The following TENM2 variants were observed in gnomAD, a reference collection of about 807,000 sequenced individuals.
TENM2 encodes teneurin-2.
In TENM2, 52 loss-of-function variants were observed where a neutral mutation model predicts 245.2. That is an observed-to-expected ratio of 0.21 (90% CI 0.17 to 0.27). The LOEUF (loss-of-function observed/expected upper bound fraction) is 0.27. TENM2 is among the 10% of genes least tolerant of loss of function. The pLI, the probability that TENM2 is intolerant of heterozygous loss-of-function variation, is 1.00. For synonymous variants in TENM2, 1,363 were observed against 1,438.9 expected, an observed-to-expected ratio of 0.95 and a Z score of 1.19; for missense variants, 3,046 against 3,666.8, an observed-to-expected ratio of 0.83 and a Z score of 4.37.
At chr5:168,255,990 C>T (rs1767616303) in intron 27 of TENM2, among the ~76,000 whole-genome samples, 1 of 151,284 alleles carries the variant, frequency 6.6e-6, no homozygotes, top group Non-Finnish European at 1.5e-5. Context: ...ATTTTTAGTA[C>T]AGACACGGTT....
At chr5:168,050,056 G>GC (rs1157584969) in intron 6 of TENM2, among the ~76,000 whole-genome samples, 1 of 152,032 alleles carries the variant, frequency 6.6e-6, no homozygotes, top group Non-Finnish European at 1.5e-5. Flanking sequence ...TCCCATCTCG[G>GC]CCCCCCAAAG....
chr5:168,174,101 T>A (rs1307733504), intron 13 of TENM2, among the ~76,000 whole-genome samples: 1 of 152,160 alleles, frequency 6.6e-6, no homozygotes, highest in Non-Finnish European at 1.5e-5. Flanking sequence ...CAACATAGCA[T>A]CTCAGTCTTC....
the TENM2 span, among the ~76,000 whole-genome samples, chr5:167,250,664 C>T: frequency 3.3e-5 from 5 of 152,078 alleles, no homozygotes; most frequent in Non-Finnish European, 1.5e-5. Context: ...CATTCCATCC[C>T]ATTTGTTTCT....
the TENM2 span, among the ~76,000 whole-genome samples, chr5:167,106,477 G>T: frequency 6.6e-6 from 1 of 152,232 alleles, no homozygotes; most frequent in Non-Finnish European, 1.5e-5. Context: ...GAAGAACTTA[G>T]CTGATTGGGA....
chr5:167,927,833 C>T (rs1561943563), intron 3 of TENM2, among the ~76,000 whole-genome samples: 1 of 152,152 alleles, frequency 6.6e-6, no homozygotes. Flanking sequence ...CCATTTCTGG[C>T]CCGGGTCCTG....
At chr5:167,087,556 G>A in the TENM2 span, among the ~76,000 whole-genome samples, 1 of 152,136 alleles carries the variant, frequency 6.6e-6, no homozygotes, top group Admixed American at 6.6e-5. Flanking sequence ...GACTTGTTCA[G>A]TGCTATATTT....
At chr5:167,365,181 T>G (rs1759967732) in intron 1 of TENM2, among the ~76,000 whole-genome samples, 2 of 152,042 alleles carry the variant, frequency 1.3e-5, no homozygotes, top group South Asian at 4.1e-4. Context: ...AATTACACAC[T>G]TCTAAGTAAC....
At chr5:167,525,938 T>C (rs1335786136) in intron 2 of TENM2, among the ~76,000 whole-genome samples, 1 of 152,062 alleles carries the variant, frequency 6.6e-6, no homozygotes, top group Non-Finnish European at 1.5e-5. Context: ...ATCATTATTA[T>C]ATACTTTAAG....
At chr5:168,021,900 C>T (rs1207864937) in intron 5 of TENM2, among the ~76,000 whole-genome samples, 1 of 151,890 alleles carries the variant, frequency 6.6e-6, no homozygotes, top group Non-Finnish European at 1.5e-5. Flanking sequence ...GTGAGATCTA[C>T]CCCCTCCTAA....
chr5:168,024,563 CT>C (rs1245943192), intron 5 of TENM2, among the ~76,000 whole-genome samples: 41 of 152,182 alleles, frequency 2.7e-4, no homozygotes, highest in Admixed American at 2.7e-3. Flanking sequence ...CCATATTTAA[CT>C]AATTTCAGTT....
At chr5:167,029,357 A>G in the TENM2 span, among the ~76,000 whole-genome samples, 1 of 152,182 alleles carries the variant, frequency 6.6e-6, no homozygotes, top group African/African-American at 2.4e-5. Context: ...TGTAATAAAG[A>G]CAACTAAAAA....
intron 2 of TENM2, among the ~76,000 whole-genome samples, chr5:167,710,906 G>A (rs1758867793): frequency 6.6e-6 from 1 of 152,166 alleles, no homozygotes; most frequent in Admixed American, 6.5e-5. Context: ...AGATGATGGA[G>A]AGCTAACTAA....
chr5:167,318,806 C>G (rs1024987), intron 1 of TENM2, among the ~76,000 whole-genome samples: 83,258 of 152,002 alleles, frequency 0.55, 23,274 homozygotes, highest in Admixed American at 0.63. Context: ...AGCTTTGAGA[C>G]TCAGAGCCCA....
intron 1 of TENM2, among the ~76,000 whole-genome samples, chr5:167,335,102 G>A (rs1431665877): frequency 2.0e-5 from 3 of 152,188 alleles, no homozygotes; most frequent in African/African-American, 7.2e-5. Flanking sequence ...AGTGGCTCAT[G>A]GTTCTGTAGG....
chr5:168,226,041 A>G lies in TENM2; in HGVS notation c.5109-47A>G, dbSNP rs766926520. On this transcript the variant is annotated intron_variant, in intron 23 of 28. Transcript: ENST00000518659. ...AGTCTTGGGAACACTGTCAGCCCCA[A>G]TGACTGCTGCTAACCAGGGTTTATC... is the stretch of plus-strand genomic sequence containing the variant. 250 of 1,556,690 alleles carry G rather than the reference A, an allele frequency of 1.6e-4. 2 individuals are homozygous for G. The highest frequency in any genetic ancestry group is 4.5e-4 in the Middle Eastern group (2 of 4,396).
At chr5:167,500,691 C>A (rs2127556154) in intron 2 of TENM2, among the ~76,000 whole-genome samples, 1 of 152,152 alleles carries the variant, frequency 6.6e-6, no homozygotes, top group African/African-American at 2.4e-5. Flanking sequence ...TGCTTTTCTG[C>A]CTGGTTTCTA....
At chr5:168,205,280 G>A (rs1204239402) in intron 19 of TENM2, among the ~76,000 whole-genome samples, 1 of 151,670 alleles carries the variant, frequency 6.6e-6, no homozygotes, top group East Asian at 1.9e-4. Context: ...ACAAATATTT[G>A]GTGAATGTAT....
At position 168,247,579 on chromosome 5, in the gene TENM2, G is replaced by A. The variant is rs373854126; in HGVS notation, c.6640G>A (p.Val2214Met). The change falls in exon 27 of 29, where the codon GTG becomes ATG. Residue 2214 changes from valine (V) to methionine (M), a missense_variant. This residue lies in a region of TENM2 where 2,704 missense variants were observed against 3,331.9 expected (regional missense o/e 0.81). Coordinates refer to ENST00000518659, the Ensembl canonical transcript of TENM2. This position sits in a 1 kb window ranked among gnomAD's most constrained non-coding sequence, Gnocchi z 7.8. ...CGATGGGGACGGGCAGCTCCAGAGC[G>A]TGGCCGTCAATGACCGCCCGACCTG... 1.4e-4 allele frequency: 221 copies of A among 1,612,846 alleles called. 2 individuals are homozygous for A. Among genetic ancestry groups the A allele is most frequent in the Non-Finnish European group, 1.8e-4 (207 of 1,179,044 alleles).
intron 1 of TENM2, among the ~76,000 whole-genome samples, chr5:167,325,167 G>T (rs112504861): frequency 3.7e-4 from 57 of 152,288 alleles, no homozygotes; most frequent in African/African-American, 1.3e-3. Flanking sequence ...ATAATGCAAT[G>T]ACAATATTTA....
Sources: gnomAD v4.1 joint callset for allele counts (sites outside exome capture counted in the v4.1 genomes callset) on GRCh38, gnomAD v4.1.1 for gene constraint, gnomAD v4.1.1 regional missense constraint, Gnocchi (gnomAD v3.1) non-coding constraint, MANE v1.5 for transcripts, NCBI Gene and HGNC (gene_info 2026-07-23, HGNC 2026-07-21) for gene names.